Variants in TAFA3 observed in about 807,000 individuals in gnomAD.
TAFA3 encodes the protein chemokine-like protein TAFA-3.
In TAFA3, 17 loss-of-function variants were observed where a neutral mutation model predicts 20.7. The ratio of observed to expected loss-of-function variants is 0.82; its 90% confidence interval spans 0.56 to 1.23. The LOEUF is 1.23. TAFA3 is among the 50% of genes most tolerant of loss of function. The pLI is 0.00. For synonymous variants in TAFA3, 74 were observed against 71.8 expected, an observed-to-expected ratio of 1.03 and a Z score of -0.16; for missense variants, 174 against 172.8, an observed-to-expected ratio of 1.01 and a Z score of -0.04.
chr1:112,725,413 A>C (rs1393852626), intron 5 of TAFA3, among the ~76,000 whole-genome samples: 1 of 152,064 alleles, frequency 6.6e-6, no homozygotes, highest in East Asian at 1.9e-4. Context: ...AAAAAAAAAA[A>C]AACATAGTCG....
At chr1:112,719,474 A>C (rs965629797) in intron 1 of TAFA3, among the ~76,000 whole-genome samples, 175 bp downstream of exon 1, 1 of 152,172 alleles carries the variant, frequency 6.6e-6, no homozygotes, top group Non-Finnish European at 1.5e-5. Flanking sequence ...TTTAGGAAAA[A>C]TAGGCTAGGA....
At position 112,724,816 on chromosome 1, in the gene TAFA3, C is replaced by CAAAAAA; in HGVS notation, c.390+698_390+703dup. On this transcript the variant is annotated intron_variant, in intron 5 of 5. Coordinates refer to ENST00000361886, the MANE Select transcript of TAFA3 (RefSeq NM_182759.3). The stretch of plus-strand genomic sequence containing the variant: ...AAAAAAAAACAACATATTAGAGCAG[C>CAAAAAA]AAAAAAAAAAAAAAAAAAAAAAAAG... Among the ~76,000 whole-genome samples, 50 of 22,638 alleles carry CAAAAAA rather than the reference C, an allele frequency of 2.2e-3. 1 individual carries two copies. Among genetic ancestry groups the CAAAAAA allele is most frequent in the South Asian group, 3.4e-3 (1 of 290 alleles). The allele number at this position is 22,638 out of a possible 152,430, so 14.9% of individuals were successfully genotyped here. A position where few individuals can be genotyped will look rare whatever the true frequency, so the allele number is the denominator to read the frequency against.
At chr1:112,723,843 A>G in intron 4 of TAFA3, 170 bp from the exon 5 acceptor site, 1 of 1,336,222 alleles carries the variant, frequency 7.5e-7, no homozygotes, top group Non-Finnish European at 1.0e-6. Flanking sequence ...CCCAGGCCTC[A>G]GGCTGAGTAC....
At chr1:112,720,825 TCTC>T (rs766338920) in intron 2 of TAFA3, among the ~76,000 whole-genome samples, 191 bp downstream of exon 2, 7 of 152,320 alleles carry the variant, frequency 4.6e-5, no homozygotes, top group South Asian at 2.1e-4. Context: ...TCCTGGGACT[TCTC>T]CTGCTCCCTT....
chr1:112,722,943 A>C, intron 3 of TAFA3, 73 bp from the exon 4 acceptor site: 2 of 1,496,498 alleles, frequency 1.3e-6, no homozygotes, highest in South Asian at 2.6e-5. Context: ...GAGGGGCTGG[A>C]GGCCAGCCCG....
At chr1:112,724,786 T>A (rs1429544498) in intron 5 of TAFA3, among the ~76,000 whole-genome samples, 25 of 51,448 alleles carry the variant, frequency 4.9e-4, no homozygotes, top group East Asian at 3.5e-3. Flanking sequence ...AAGTATAATT[T>A]AAAAAAAAAA....
intron 5 of TAFA3, among the ~76,000 whole-genome samples, chr1:112,724,939 A>G (rs1405284177): frequency 2.6e-5 from 4 of 151,792 alleles, no homozygotes; most frequent in South Asian, 2.1e-4. Context: ...ATGCACTTGT[A>G]TGTTCATCAA....
rs1675268993 is a variant in TAFA3 at position 112,719,077 on chromosome 1, G to T, written c.-282G>T. On this transcript the variant is annotated 5_prime_UTR_variant, in exon 1 of 6. Transcript: ENST00000361886. ...GCGGGGCCGGGCCCAGAGCTCCCCTGTGCCCAGAGCCCGGCCCGCCCTGCG... is the reference window on the plus strand; with the variant it reads ...GCGGGGCCGGGCCCAGAGCTCCCCTTTGCCCAGAGCCCGGCCCGCCCTGCG... Among the ~76,000 whole-genome samples the T allele has an allele frequency of 6.6e-6, 1 of 152,058 alleles. No individual in the cohort carries two copies. The highest frequency in any genetic ancestry group is 1.5e-5 in the Non-Finnish European group (1 of 68,032).
In TAFA3 at chr1:112,719,282, G is replaced by A. The variant is rs755756933; in HGVS notation, c.-77G>A. On this transcript the variant is annotated 5_prime_UTR_variant, in exon 1 of 6. Transcript: ENST00000361886. ...TTCAGGCCAGCAGATCGAACCAGTG[G>A]GCATCACCGTGGACCAGGTAGGTCC... is the stretch of plus-strand genomic sequence containing the variant. 6.6e-6 allele frequency among the ~76,000 whole-genome samples: 1 copy of A among 152,206 alleles called. No individual in the cohort carries two copies. Among genetic ancestry groups the A allele is most frequent in the Non-Finnish European group, 1.5e-5 (1 of 68,038 alleles).
At position 112,724,138 on chromosome 1, in the gene TAFA3, G is replaced by A. The variant is rs752561218; in HGVS notation, c.390+1G>A. 3 of 1,591,868 alleles carry A rather than the reference G, an allele frequency of 1.9e-6. No homozygotes were observed. The highest frequency in any genetic ancestry group is 1.7e-6 in the Non-Finnish European group (2 of 1,167,200). Reference sequence around the variant, plus strand: ...TGGACACAAAGTCAAAACCACCAAGGTACCCTGGGTGGGCACCTCATCCCA... The same window carrying A: ...TGGACACAAAGTCAAAACCACCAAGATACCCTGGGTGGGCACCTCATCCCA... On this transcript the variant is annotated splice_donor_variant, in intron 5 of 5. Transcript: ENST00000361886. LOFTEE classifies it high-confidence loss of function.
chr1:112,722,434 GCAGGTCTCC>G, intron 3 of TAFA3, 86 bp downstream of exon 3: 2 of 1,161,754 alleles, frequency 1.7e-6, no homozygotes, highest in South Asian at 2.6e-5. Context: ...TCCATAGCAG[GCAGGTCTCC>G]CAGGCAGAGT....
intron 5 of TAFA3, among the ~76,000 whole-genome samples, chr1:112,724,966 G>A (rs1244654748): frequency 1.3e-5 from 2 of 152,066 alleles, no homozygotes; most frequent in Non-Finnish European, 2.9e-5. Flanking sequence ...ATTCATAATA[G>A]CAAGGGCATA....
chr1:112,725,785 T>G (rs977980858), intron 5 of TAFA3, among the ~76,000 whole-genome samples: 2 of 152,206 alleles, frequency 1.3e-5, no homozygotes, highest in Admixed American at 6.5e-5. Flanking sequence ...AAGCCAGGGT[T>G]CTGCCTTTGG....
Position 112,726,952 on chromosome 1 carries a change from T to G in TAFA3, c.*312T>G. ...AGATAATTTAGGTTAAAGTACTTGATACCAGACTGCGGCTTCTGGGCCACA... is the reference window on the plus strand; with the variant it reads ...AGATAATTTAGGTTAAAGTACTTGAGACCAGACTGCGGCTTCTGGGCCACA... On this transcript the variant is annotated 3_prime_UTR_variant, in exon 6 of 6. Transcript: ENST00000361886. 2.5e-6 allele frequency: 1 copy of G among 393,782 alleles called. No homozygotes were observed. Among genetic ancestry groups the G allele is most frequent in the East Asian group, 4.8e-5 (1 of 20,898 alleles). The allele number at this position is 393,782 out of a possible 1,614,324, so 24.4% of individuals were successfully genotyped here. A position where few individuals can be genotyped will look rare whatever the true frequency, so the allele number is the denominator to read the frequency against.
chr1:112,723,281 C>A, intron 4 of TAFA3, 116 bp downstream of exon 4: 2 of 1,369,938 alleles, frequency 1.5e-6, no homozygotes, highest in Non-Finnish European at 1.9e-6. Flanking sequence ...CTTTCATGAG[C>A]AGTCTCAAAT....
intron 5 of TAFA3, among the ~76,000 whole-genome samples, chr1:112,724,900 G>A (rs563134355): frequency 2.1e-5 from 3 of 140,178 alleles, no homozygotes; most frequent in East Asian, 4.4e-4. Context: ...ATACCCAAAG[G>A]AAAATAAATC....
At chr1:112,726,505 C>T in intron 5 of TAFA3, 124 bp from the exon 6 acceptor site, 1 of 1,004,636 alleles carries the variant, frequency 1.0e-6, no homozygotes, top group Non-Finnish European at 1.5e-6. Flanking sequence ...TTCCGGCCTG[C>T]TTTAGGGTGA....
rs767749377 is a variant in TAFA3, at chr1:112,724,100, G to A, written c.353G>A (p.Trp118Ter). 4 of 1,612,786 alleles carry A rather than the reference G, an allele frequency of 2.5e-6. No individual in the cohort carries two copies. Among genetic ancestry groups the A allele is most frequent in the Non-Finnish European group, 2.5e-6 (3 of 1,179,632 alleles). Residue 118 changes from tryptophan (W) to a stop codon, truncating the protein, a stop_gained, in exon 5 of 6, where the codon TGG becomes TAG. Coordinates refer to ENST00000361886, the MANE Select transcript of TAFA3 (RefSeq NM_182759.3). LOFTEE classifies it high-confidence loss of function. ...AAGGTGCTCCCGGACCTGTCGGGAT[G>A]GAGCTGCAGCAGTGGACACAAAGTC... is the stretch of plus-strand genomic sequence containing the variant. ...ECKVLPDLSGWSCSSGHKVKT... is the reference protein window; with the variant it reads ...ECKVLPDLSG
rs750987478 is a variant in TAFA3, at chr1:112,723,041, G to C, written c.141G>C (p.Glu47Asp). 1.9e-6 allele frequency: 3 copies of C among 1,612,910 alleles called. No homozygotes were observed. Among genetic ancestry groups the C allele is most frequent in the Non-Finnish European group, 2.5e-6 (3 of 1,179,598 alleles). The change falls in exon 4 of 6, where the codon GAG becomes GAC. Residue 47 changes from glutamate to aspartate, a missense_variant. Transcript: ENST00000361886. ...ATVLVQQGTC[E>D]VIAAHRCCNR... Reference sequence around the variant, plus strand: ...TGCTTGTGCAGCAGGGCACCTGCGAGGTGATTGCGGCTCACCGCTGCTGCA... The same window carrying C: ...TGCTTGTGCAGCAGGGCACCTGCGACGTGATTGCGGCTCACCGCTGCTGCA...
Sources: gnomAD v4.1 joint callset for allele counts (sites outside exome capture counted in the v4.1 genomes callset) on GRCh38, gnomAD v4.1.1 for gene constraint, MANE v1.5 for transcripts, NCBI Gene and HGNC (gene_info 2026-07-23, HGNC 2026-07-21) for gene names.